Variants in PPP3R1 observed in about 807,000 individuals in gnomAD.
PPP3R1 encodes protein phosphatase 3 regulatory subunit B, alpha.
In PPP3R1, 5 loss-of-function variants were observed where a neutral mutation model predicts 22.6. That is an observed-to-expected ratio of 0.22 (90% CI 0.12 to 0.46). The LOEUF (loss-of-function observed/expected upper bound fraction) is 0.46. Among genes scored for constraint, PPP3R1 ranks in the 20% least tolerant of loss-of-function variants. PPP3R1 has a pLI of 0.99. For synonymous variants in PPP3R1, 56 were observed against 65.2 expected (o/e 0.86, Z 0.68); for missense variants, 61 against 203.2 (o/e 0.30, Z 4.25).
intron 1 of PPP3R1, among the ~76,000 whole-genome samples, chr2:68,249,887 A>G (rs969233472): frequency 2.6e-5 from 4 of 152,218 alleles, no homozygotes; most frequent in Admixed American, 2.6e-4. Flanking sequence ...CAGAATGTAA[A>G]TAATAAGAGT....
chr2:68,192,423 A>G (rs1312102532), intron 2 of PPP3R1, among the ~76,000 whole-genome samples: 1 of 152,142 alleles, frequency 6.6e-6, no homozygotes. Flanking sequence ...GATTAATGGG[A>G]AGAGGAAAAG....
At chr2:68,239,744 C>T (rs1670083522) in intron 1 of PPP3R1, among the ~76,000 whole-genome samples, 2 of 152,120 alleles carry the variant, frequency 1.3e-5, no homozygotes, top group Non-Finnish European at 2.9e-5. Flanking sequence ...GTGTAGGGTC[C>T]TATGCTGGCA....
intron 1 of PPP3R1, among the ~76,000 whole-genome samples, chr2:68,224,665 G>GAAA (rs576436316): frequency 7.5e-6 from 1 of 133,270 alleles, no homozygotes; most frequent in African/African-American, 2.7e-5. Flanking sequence ...CTCGTCTCAG[G>GAAA]AAAAAAAAAA....
chr2:68,184,755 A>C (rs190510117), intron 5 of PPP3R1, among the ~76,000 whole-genome samples: 14 of 152,308 alleles, frequency 9.2e-5, no homozygotes, highest in Non-Finnish European at 1.5e-4. Context: ...CCACTCGTAA[A>C]CTATGCCCCT....
intron 2 of PPP3R1, 60 bp downstream of exon 2, chr2:68,217,032 A>G: frequency 1.6e-6 from 2 of 1,227,328 alleles, no homozygotes; most frequent in Non-Finnish European, 2.3e-6. Context: ...ACACACACAC[A>G]CACACACAGA....
rs554336548 is a variant in PPP3R1 at position 68,202,149 on chromosome 2, A to G, written c.44-13459T>C. 6.6e-5 allele frequency among the ~76,000 whole-genome samples: 10 copies of G among 152,234 alleles called. No homozygotes were observed. In the East Asian group the frequency reaches 7.7e-4, roughly 12 times the overall value. ...TCATTCTTTCCTTGCACATTTTTCC[A>G]TATCTTTTATCTTTTGCTCTAACAT... On this transcript the variant is annotated intron_variant, in intron 2 of 5. Coordinates refer to ENST00000234310, the MANE Select transcript of PPP3R1 (RefSeq NM_000945.4).
chr2:68,217,037 CACAG>C, intron 2 of PPP3R1, 51 bp downstream of exon 2: 1 of 1,279,934 alleles, frequency 7.8e-7, no homozygotes, highest in Non-Finnish European at 1.1e-6. Context: ...CACACACACA[CACAG>C]AGAGAGATGA....
In PPP3R1 at chr2:68,179,008, A is replaced by AG. The variant is rs1209879990; in HGVS notation, c.*1954_*1955insC. On this transcript the variant is annotated 3_prime_UTR_variant, in exon 6 of 6. Coordinates refer to ENST00000234310, the MANE Select transcript of PPP3R1 (RefSeq NM_000945.4). Reference sequence around the variant, plus strand: ...CCACACACAAACTAAAAAAAAAAAAAAAAAAAAAGAAAAAGAAAAAACCCT... The same window carrying AG: ...CCACACACAAACTAAAAAAAAAAAAAGAAAAAAAAGAAAAAGAAAAAACCCT... 2.2e-5 allele frequency: 3 copies of AG among 135,896 alleles called. No individual in the cohort carries two copies. The highest frequency in any genetic ancestry group is 6.2e-5 in the African/African-American group (2 of 32,376). The allele number at this position is 135,896 out of a possible 1,614,324, so 8.4% of individuals were successfully genotyped here.
intron 2 of PPP3R1, among the ~76,000 whole-genome samples, chr2:68,214,921 T>C (rs538662183): frequency 4.0e-5 from 6 of 151,876 alleles, no homozygotes; most frequent in African/African-American, 1.5e-4. Flanking sequence ...ATAAAGAAAA[T>C]GAGGTACATA....
intron 2 of PPP3R1, among the ~76,000 whole-genome samples, chr2:68,192,734 A>G (rs567599808): frequency 6.6e-6 from 1 of 152,292 alleles, no homozygotes; most frequent in South Asian, 2.1e-4. Context: ...AATTCAGCCA[A>G]ACGGCTAGCT....
intron 2 of PPP3R1, among the ~76,000 whole-genome samples, chr2:68,209,340 C>A (rs1475450255): frequency 1.1e-5 from 1 of 93,554 alleles, no homozygotes; most frequent in African/African-American, 4.2e-5. Context: ...GCCTGGGCGA[C>A]AGAGCGAGAC....
chr2:68,212,119 C>T (rs1267452228), intron 2 of PPP3R1, among the ~76,000 whole-genome samples: 1 of 152,152 alleles, frequency 6.6e-6, no homozygotes, highest in African/African-American at 2.4e-5. Context: ...CTCGCTCTGT[C>T]GCCCAGGCTG....
At chr2:68,247,861 A>C (rs928927571) in intron 1 of PPP3R1, among the ~76,000 whole-genome samples, 1 of 152,132 alleles carries the variant, frequency 6.6e-6, no homozygotes, top group Non-Finnish European at 1.5e-5. Flanking sequence ...ATTCTTTCAC[A>C]TCCTTCTGTC....
intron 2 of PPP3R1, among the ~76,000 whole-genome samples, chr2:68,204,645 A>G (rs549435622): frequency 1.3e-5 from 2 of 152,340 alleles, no homozygotes; most frequent in South Asian, 4.1e-4. Flanking sequence ...ATGAGAATTA[A>G]AAGAATTAAT....
intron 2 of PPP3R1, among the ~76,000 whole-genome samples, chr2:68,198,062 C>CAA (rs199824687): frequency 0.053 from 2,207 of 41,992 alleles, 744 homozygotes; most frequent in Middle Eastern, 0.083. Flanking sequence ...GCACCTTTGG[C>CAA]AAAAAAAAAA....
At chr2:68,181,152 G>A (rs1356323253) in intron 5 of PPP3R1, 142 bp from the exon 6 acceptor site, 2 of 726,942 alleles carry the variant, frequency 2.8e-6, no homozygotes, top group Admixed American at 4.4e-5. Flanking sequence ...CACTTTGGAA[G>A]GCCAAGGCAG....
intron 2 of PPP3R1, among the ~76,000 whole-genome samples, chr2:68,214,307 G>A (rs1256520083): frequency 6.6e-6 from 1 of 152,006 alleles, no homozygotes; most frequent in Non-Finnish European, 1.5e-5. Flanking sequence ...TTAAACTAAA[G>A]AGCTTCTGCC....
chr2:68,203,966 T>C (rs1022454587), intron 2 of PPP3R1, among the ~76,000 whole-genome samples: 5 of 152,168 alleles, frequency 3.3e-5, no homozygotes, highest in African/African-American at 9.7e-5. Flanking sequence ...AGATTTAATC[T>C]TTCACCTACA....
intron 1 of PPP3R1, among the ~76,000 whole-genome samples, chr2:68,242,366 C>T (rs1021611370): frequency 4.6e-5 from 7 of 151,268 alleles, no homozygotes; most frequent in African/African-American, 7.3e-5. Flanking sequence ...GCTGAAGTAG[C>T]GGTGAGCCAA....
Sources: gnomAD v4.1 joint callset for allele counts (sites outside exome capture counted in the v4.1 genomes callset) on GRCh38, gnomAD v4.1.1 for gene constraint, MANE v1.5 for transcripts, NCBI Gene and HGNC (gene_info 2026-07-23, HGNC 2026-07-21) for gene names.